Variants in PIK3AP1 observed in about 807,000 individuals in gnomAD.
PIK3AP1 encodes the protein phosphoinositide-3-kinase adaptor protein 1.
A neutral mutation model predicts 88.1 loss-of-function variants in PIK3AP1; 21 were observed. The ratio of observed to expected loss-of-function variants is 0.24; its 90% CI spans 0.17 to 0.34. The LOEUF (loss-of-function observed/expected upper bound fraction) is 0.34, where lower values mean the gene tolerates loss of function less well. Among genes scored for constraint, PIK3AP1 ranks in the 10% least tolerant of loss-of-function variants. PIK3AP1 has a pLI of 1.00. For synonymous variants in PIK3AP1, 398 were observed against 400.0 expected (o/e 1.00, Z 0.06); for missense variants, 828 against 1,035.7 (o/e 0.80, Z 2.75).
intron 1 of PIK3AP1, among the ~76,000 whole-genome samples, chr10:96,718,611 A>G (rs1284789176): frequency 6.6e-6 from 1 of 152,204 alleles, no homozygotes; most frequent in Non-Finnish European, 1.5e-5. Flanking sequence ...AGGTTTGCCC[A>G]CCGGACTAGG....
intron 11 of PIK3AP1, among the ~76,000 whole-genome samples, chr10:96,623,187 C>G (rs1444901690): frequency 6.6e-6 from 1 of 152,078 alleles, no homozygotes; most frequent in Non-Finnish European, 1.5e-5. Flanking sequence ...CCTTGGATCT[C>G]TCTAATTAAT....
chr10:96,626,598 T>G, intron 10 of PIK3AP1, 110 bp downstream of exon 10: 1 of 1,203,734 alleles, frequency 8.3e-7, no homozygotes, highest in Non-Finnish European at 1.2e-6. Context: ...TTGAAGACCA[T>G]TTAGAAGGGG....
At chr10:96,643,145 T>C (rs1589509129) in intron 8 of PIK3AP1, among the ~76,000 whole-genome samples, 3 of 152,270 alleles carry the variant, frequency 2.0e-5, no homozygotes, top group South Asian at 4.1e-4. Flanking sequence ...GATAGGATGA[T>C]GGGCAAGGCT....
At position 96,620,429 on chromosome 10, in the gene PIK3AP1, C is replaced by T; in HGVS notation, c.1864G>A (p.Val622Met). ...QEQVKLGIVN[V>M]DEAVLHFKEW... is the part of the protein sequence containing the mutation. ...TTGAAGTGGAGCACAGCCTCATCCA[C>T]GTTGACAATGCCCAGCTTCACCTGC... The change falls in exon 12 of 17, where the codon GTG (valine) becomes ATG (methionine). Residue 622 changes from valine to methionine, a missense_variant. By Grantham distance (21) the Val-to-Met change is conservative. Around this residue, in one of 3 missense-constraint regions of PIK3AP1, gnomAD observed 27 missense variants for 67.1 expected, o/e 0.40. Transcript: ENST00000339364. 5 of 1,614,220 alleles carry T rather than the reference C, an allele frequency of 3.1e-6. No homozygotes were observed. The highest frequency in any genetic ancestry group is 4.2e-6 in the Non-Finnish European group (5 of 1,180,032).
chr10:96,629,790 A>G (rs2134210997), intron 8 of PIK3AP1, among the ~76,000 whole-genome samples: 1 of 148,750 alleles, frequency 6.7e-6, no homozygotes, highest in South Asian at 2.1e-4. Flanking sequence ...GCCACTTGGG[A>G]TGCAGAACTG....
intron 6 of PIK3AP1, 129 bp from the exon 7 acceptor site, chr10:96,648,984 C>G: frequency 1.4e-6 from 1 of 713,342 alleles, no homozygotes; most frequent in Non-Finnish European, 2.2e-6. Context: ...TATTGATTGA[C>G]TGACCTAACA....
At chr10:96,707,486 A>G (rs1844379438) in intron 2 of PIK3AP1, among the ~76,000 whole-genome samples, 3 of 151,956 alleles carry the variant, frequency 2.0e-5, no homozygotes, top group Admixed American at 2.0e-4. Flanking sequence ...GTAGAGATGG[A>G]GTTTCACCAT....
intron 12 of PIK3AP1, among the ~76,000 whole-genome samples, chr10:96,619,957 CTCTT>C (rs1243580710): frequency 1.3e-5 from 2 of 152,168 alleles, no homozygotes; most frequent in African/African-American, 4.8e-5. Flanking sequence ...TTTCCAAGTT[CTCTT>C]TGAGTCATAA....
intron 7 of PIK3AP1, 75 bp downstream of exon 7, chr10:96,648,584 T>C: frequency 6.9e-7 from 1 of 1,444,832 alleles, no homozygotes. Flanking sequence ...AATCTGTTCG[T>C]ATTTTGGGTG....
intron 8 of PIK3AP1, among the ~76,000 whole-genome samples, chr10:96,637,638 C>G (rs1367637832): frequency 6.6e-6 from 1 of 152,108 alleles, no homozygotes; most frequent in East Asian, 1.9e-4. Flanking sequence ...GCATGAGCCA[C>G]CATGCGTGGC....
chr10:96,704,584 G>A (rs1434626770), intron 2 of PIK3AP1, among the ~76,000 whole-genome samples: 5 of 152,124 alleles, frequency 3.3e-5, no homozygotes, highest in Non-Finnish European at 7.4e-5. Context: ...CAGGCATGGT[G>A]GTGCATGCCT....
rs1438164641 is a variant in PIK3AP1 at position 96,709,687 on chromosome 10, C to T, written c.310G>A (p.Gly104Ser). 5.6e-6 allele frequency: 9 copies of T among 1,614,244 alleles called. No individual in the cohort carries two copies. The highest frequency in any genetic ancestry group is 7.6e-6 in the Non-Finnish European group (9 of 1,180,048). ...AGGAACTCCTCGCTGTCCCGCACGCCGCAGAGCAGCCTGACCACGCGGTGC... is the reference window on the plus strand; with the variant it reads ...AGGAACTCCTCGCTGTCCCGCACGCTGCAGAGCAGCCTGACCACGCGGTGC... ...PPHRVVRLLCGVRDSEEFLDF... is the reference protein window; with the variant it reads ...PPHRVVRLLCSVRDSEEFLDF... Residue 104 changes from glycine to serine, a missense_variant, in exon 2 of 17, where the codon GGC (glycine) becomes AGC (serine). Gly to Ser is a moderately conservative substitution (Grantham distance 56). Transcript: ENST00000339364.
chr10:96,680,476 A>AATGCC (rs1269357198), intron 2 of PIK3AP1, among the ~76,000 whole-genome samples: 4 of 152,034 alleles, frequency 2.6e-5, no homozygotes, highest in Non-Finnish European at 2.9e-5. Context: ...CACCCTCAGG[A>AATGCC]ATGCCCTGGT....
intron 16 of PIK3AP1, among the ~76,000 whole-genome samples, chr10:96,600,917 A>G (rs1431080411): frequency 1.3e-5 from 2 of 152,196 alleles, no homozygotes; most frequent in Non-Finnish European, 2.9e-5. Flanking sequence ...GCTAGCTGTG[A>G]CCACTTTTTC....
At chr10:96,687,694 C>T (rs1465401169) in intron 2 of PIK3AP1, among the ~76,000 whole-genome samples, 1 of 152,190 alleles carries the variant, frequency 6.6e-6, no homozygotes, top group Non-Finnish European at 1.5e-5. Context: ...GGCCACCATC[C>T]GTTGAGGCCC....
intron 8 of PIK3AP1, among the ~76,000 whole-genome samples, chr10:96,629,273 T>A (rs1435900372): frequency 6.6e-6 from 1 of 152,100 alleles, no homozygotes; most frequent in African/African-American, 2.4e-5. Flanking sequence ...TATGAATTCA[T>A]AAATATGCAG....
chr10:96,707,211 G>A (rs1844375983), intron 2 of PIK3AP1, among the ~76,000 whole-genome samples: 1 of 152,174 alleles, frequency 6.6e-6, no homozygotes, highest in African/African-American at 2.4e-5. Flanking sequence ...ATTTATCCAG[G>A]TATTGAATCA....
At chr10:96,648,406 G>A (rs1374111603) in intron 7 of PIK3AP1, among the ~76,000 whole-genome samples, 1 of 152,166 alleles carries the variant, frequency 6.6e-6, no homozygotes, top group Non-Finnish European at 1.5e-5. Context: ...TCTTCCTTCT[G>A]CATATTAGGA....
intron 9 of PIK3AP1, 72 bp downstream of exon 9, chr10:96,628,326 G>C (rs1372394284): frequency 7.6e-7 from 1 of 1,318,628 alleles, no homozygotes; most frequent in Non-Finnish European, 1.1e-6. Context: ...AACCCTCATA[G>C]AGAACCAGAC....
Sources: gnomAD v4.1 joint callset for allele counts (sites outside exome capture counted in the v4.1 genomes callset) on GRCh38, gnomAD v4.1.1 for gene constraint, gnomAD v4.1.1 regional missense constraint, MANE v1.5 for transcripts, NCBI Gene and HGNC (gene_info 2026-07-23, HGNC 2026-07-21) for gene names.